The following ATP2B4 variants were observed in gnomAD, a reference collection of about 807,000 sequenced individuals.
The protein encoded by ATP2B4 is plasma membrane calcium-transporting ATPase 4.
Under a neutral mutation model 110.3 loss-of-function variants are expected in ATP2B4, and 39 were observed. That is an observed-to-expected ratio of 0.35 (90% CI 0.27 to 0.46). ATP2B4 has a LOEUF of 0.46. ATP2B4 is among the 20% of genes least tolerant of loss of function. The pLI, the probability that ATP2B4 is intolerant of heterozygous loss-of-function variation, is 1.00. For synonymous variants in ATP2B4, 538 were observed against 571.7 expected, an observed-to-expected ratio of 0.94 and a Z score of 0.84; for missense variants, 1,135 against 1,530.9, an observed-to-expected ratio of 0.74 and a Z score of 4.32.
At chr1:203,678,718 A>G (rs75124609) in intron 1 of ATP2B4, among the ~76,000 whole-genome samples, 3,103 of 152,236 alleles carry the variant, frequency 0.02, 53 homozygotes, top group African/African-American at 0.052. Context: ...CCTGCCTTTT[A>G]AAGGGCCTCT....
intron 20 of ATP2B4, among the ~76,000 whole-genome samples, chr1:203,731,592 C>T: frequency 6.6e-6 from 1 of 152,030 alleles, no homozygotes; most frequent in Non-Finnish European, 1.5e-5. Flanking sequence ...GTGGCTCACA[C>T]CTTAATCCCA....
chr1:203,721,407 G>A lies in ATP2B4; in HGVS notation c.2809G>A (p.Ala937Thr). The A allele has an allele frequency of 6.2e-7, 1 of 1,613,926 alleles. No individual in the cohort carries two copies. Among genetic ancestry groups the A allele is most frequent in the Non-Finnish European group, 8.5e-7 (1 of 1,179,924 alleles). Reference sequence around the variant, plus strand: ...CATTGTCATCTTTATCCTTGTCTTTGCGGGTGAGCCACTTTGGGGGTGGGT... The same window carrying A: ...CATTGTCATCTTTATCCTTGTCTTTACGGGTGAGCCACTTTGGGGGTGGGT... Reference protein sequence around the residue: ...QLIVIFILVFAGEKFFDIDSG... With the variant: ...QLIVIFILVFTGEKFFDIDSG... Residue 937 changes from alanine to threonine, a missense_variant, in exon 17 of 21, where the codon GCG becomes ACG. Ala to Thr is a moderately conservative substitution (Grantham distance 58). Transcript: ENST00000357681.
chr1:203,707,795 C>A (rs917839264), intron 9 of ATP2B4, 67 bp from the exon 10 acceptor site: 3 of 1,583,220 alleles, frequency 1.9e-6, no homozygotes, highest in South Asian at 1.1e-5. Flanking sequence ...TAGGAAATGG[C>A]CTTTGACCTA....
chr1:203,710,548 C>T (rs1665975265), intron 11 of ATP2B4, among the ~76,000 whole-genome samples: 1 of 152,230 alleles, frequency 6.6e-6, no homozygotes, highest in South Asian at 2.1e-4. Flanking sequence ...GAGCACTATT[C>T]TAAATACTCG....
intron 2 of ATP2B4, among the ~76,000 whole-genome samples, chr1:203,696,614 G>A (rs1255958653): frequency 6.6e-6 from 1 of 152,220 alleles, no homozygotes; most frequent in Non-Finnish European, 1.5e-5. Flanking sequence ...TAATCACCAT[G>A]GTAGGATTGC....
chr1:203,683,666 C>CTTTTTTTTTTTTTTTTTTTTTTTTGTTT (rs11326748), intron 2 of ATP2B4, among the ~76,000 whole-genome samples: 2 of 77,700 alleles, frequency 2.6e-5, no homozygotes, highest in Non-Finnish European at 4.7e-5. Flanking sequence ...TCTTTTGTTT[C>CTTTTTTTTTTTTTTTTTTTTTTTTGTTT]TTTTTTTTTT....
At chr1:203,713,334 C>A in intron 14 of ATP2B4, 82 bp downstream of exon 14, 1 of 1,507,126 alleles carries the variant, frequency 6.6e-7, no homozygotes, top group Non-Finnish European at 9.2e-7. Flanking sequence ...CAGCCAAAGC[C>A]ACTCTCCTGT....
rs113302586 is a variant in ATP2B4, at chr1:203,645,333, T to A, written c.-465+18114T>A. Among the ~76,000 whole-genome samples, 818 of 152,290 alleles carry A rather than the reference T, an allele frequency of 5.4e-3. 6 individuals carry two copies. Among genetic ancestry groups the A allele is most frequent in the African/African-American group, 0.019 (787 of 41,552 alleles). On this transcript the variant is annotated intron_variant, in intron 1 of 20. Transcript: ENST00000357681. ...AGGCAACACTGCCTCTCTAATGCCC[T>A]AGCCAGACAGAGCATTCCTGTTTAC...
At chr1:203,631,549 A>C (rs569665068) in intron 1 of ATP2B4, among the ~76,000 whole-genome samples, 2 of 152,176 alleles carry the variant, frequency 1.3e-5, no homozygotes, top group Non-Finnish European at 2.9e-5. Flanking sequence ...TAGGTTGCGA[A>C]ATCAATGCCA....
intron 7 of ATP2B4, 59 bp downstream of exon 7, chr1:203,702,138 T>G (rs1354682996): frequency 6.3e-7 from 1 of 1,585,316 alleles, no homozygotes; most frequent in Non-Finnish European, 8.7e-7. Context: ...ACCAGACCTT[T>G]CCAGGCCATC....
Position 203,683,164 on chromosome 1 carries a change from C to T in ATP2B4, c.-42C>T. 6.3e-7 allele frequency: 1 copy of T among 1,594,550 alleles called. No individual in the cohort carries two copies. ...GACACTGGTCAGTTGAAGGGAAACG[C>T]TACATCTTCTCTGGTTGAGGGGCTT... On this transcript the variant is annotated 5_prime_UTR_variant, in exon 2 of 21. Coordinates refer to ENST00000357681, the MANE Select transcript of ATP2B4 (RefSeq NM_001684.5).
At chr1:203,663,215 T>C (rs1664401188) in intron 1 of ATP2B4, among the ~76,000 whole-genome samples, 1 of 152,250 alleles carries the variant, frequency 6.6e-6, no homozygotes, top group Non-Finnish European at 1.5e-5. Context: ...TGCTGTACTA[T>C]AATCATAGGC....
intron 1 of ATP2B4, among the ~76,000 whole-genome samples, chr1:203,655,623 G>A (rs573791743): frequency 2.0e-5 from 3 of 151,800 alleles, no homozygotes; most frequent in South Asian, 4.2e-4. Context: ...TCCAGCCTGG[G>A]CAACATAGCA....
Position 203,704,059 on chromosome 1 carries a change from T to C in ATP2B4, c.1099+246T>C, listed in dbSNP as rs16852180. ...CCTGAGATCTCTTAATCCAAATGAA[T>C]GAGAAACAAAGAGCATATATTACAG... On this transcript the variant is annotated intron_variant, in intron 8 of 20. Transcript: ENST00000357681. Among the ~76,000 whole-genome samples the C allele has an allele frequency of 7.4e-3, 1,125 of 152,240 alleles. 10 individuals carry two copies. The highest frequency in any genetic ancestry group is 0.031 in the East Asian group (158 of 5,180).
intron 19 of ATP2B4, among the ~76,000 whole-genome samples, chr1:203,724,865 CTGTTTTT>C (rs1298603825): frequency 6.2e-4 from 63 of 101,496 alleles, no homozygotes; most frequent in Non-Finnish European, 9.6e-4. Context: ...ATCCAGCTCT[CTGTTTTT>C]TTTTTTTTTT....
chr1:203,730,246 A>G (rs1666663057), intron 20 of ATP2B4, among the ~76,000 whole-genome samples: 1 of 150,444 alleles, frequency 6.6e-6, no homozygotes, highest in South Asian at 2.1e-4. Flanking sequence ...AAAAAAAAAG[A>G]AGAAAAAGAA....
chr1:203,737,804 C>A (rs36110196), intron 20 of ATP2B4, among the ~76,000 whole-genome samples: 2,785 of 152,296 alleles, frequency 0.018, 53 homozygotes, highest in Non-Finnish European at 0.03. Flanking sequence ...GAGCTTTGAG[C>A]ACCCTCAGTC....
chr1:203,646,834 G>A (rs1363006127), intron 1 of ATP2B4, among the ~76,000 whole-genome samples: 1 of 152,154 alleles, frequency 6.6e-6, no homozygotes, highest in Admixed American at 6.5e-5. Flanking sequence ...CCTAGAAAGT[G>A]TGGAATATTC....
chr1:203,702,333 T>C (rs562888665), intron 7 of ATP2B4, among the ~76,000 whole-genome samples: 41 of 152,220 alleles, frequency 2.7e-4, no homozygotes, highest in African/African-American at 9.2e-4. Flanking sequence ...TTGGGGAGTG[T>C]GTAGGATTGA....
Sources: allele counts gnomAD v4.1 joint callset (sites outside exome capture counted in the v4.1 genomes callset), GRCh38; gene constraint gnomAD v4.1.1; transcripts MANE v1.5; gene names NCBI Gene and HGNC (gene_info 2026-07-23, HGNC 2026-07-21).